The following PHLPP1 variants were observed in gnomAD, a reference collection of about 807,000 sequenced individuals.
PHLPP1 encodes the protein PH domain leucine-rich repeat-containing protein phosphatase 1.
Under a neutral mutation model 117.2 loss-of-function variants are expected in PHLPP1, and 42 were observed. That is an observed-to-expected ratio of 0.36 (90% confidence interval 0.28 to 0.46). The LOEUF is 0.46. Among genes scored for constraint, PHLPP1 ranks in the 20% least tolerant of loss-of-function variants. The pLI is 1.00. For missense variants in PHLPP1, 2,084 were observed against 2,241.9 expected (o/e 0.93, Z 1.42); for synonymous variants, 1,042 against 970.7 (o/e 1.07, Z -1.37).
intron 1 of PHLPP1, among the ~76,000 whole-genome samples, chr18:62,749,595 G>T (rs571175342): frequency 2.6e-5 from 4 of 152,312 alleles, no homozygotes; most frequent in African/African-American, 9.6e-5. Flanking sequence ...GAAGGTGTTG[G>T]CAGGGTTGGT....
At chr18:62,838,942 G>A in intron 3 of PHLPP1, 33 bp downstream of exon 3, 3 of 1,611,020 alleles carry the variant, frequency 1.9e-6, no homozygotes, top group Non-Finnish European at 2.5e-6. Context: ...AATCCACTCA[G>A]CTTCTAGCTG....
At chr18:62,973,502 G>A (rs767609535) in intron 15 of PHLPP1, among the ~76,000 whole-genome samples, 1 of 152,220 alleles carries the variant, frequency 6.6e-6, no homozygotes, top group African/African-American at 2.4e-5. Flanking sequence ...GAGCAGTCAT[G>A]GTGTTTTATC....
At chr18:62,792,618 C>T in intron 1 of PHLPP1, among the ~76,000 whole-genome samples, 1 of 152,092 alleles carries the variant, frequency 6.6e-6, no homozygotes, top group Non-Finnish European at 1.5e-5. Context: ...CGCCTGTAAT[C>T]CCAGCACTTT....
At chr18:62,778,184 A>T (rs1204694845) in intron 1 of PHLPP1, among the ~76,000 whole-genome samples, 1 of 152,134 alleles carries the variant, frequency 6.6e-6, no homozygotes, top group African/African-American at 2.4e-5. Flanking sequence ...TTAATGTATT[A>T]CCTTTGATAT....
intron 1 of PHLPP1, among the ~76,000 whole-genome samples, chr18:62,815,949 C>G (rs1474108362): frequency 2.0e-5 from 3 of 152,122 alleles, no homozygotes; most frequent in Non-Finnish European, 2.9e-5. Context: ...TCTGTTAATA[C>G]TCTATGGTAA....
intron 3 of PHLPP1, among the ~76,000 whole-genome samples, chr18:62,852,884 T>C (rs1915394322): frequency 2.0e-5 from 3 of 152,208 alleles, no homozygotes; most frequent in African/African-American, 7.2e-5. Flanking sequence ...ATGGGAATGA[T>C]GCAGAGTACT....
intron 1 of PHLPP1, among the ~76,000 whole-genome samples, chr18:62,735,402 A>G (rs1337878895): frequency 6.6e-6 from 1 of 152,090 alleles, no homozygotes; most frequent in Non-Finnish European, 1.5e-5. Context: ...CATTCTTAAG[A>G]TACCACACAG....
intron 14 of PHLPP1, among the ~76,000 whole-genome samples, chr18:62,966,778 GT>G (rs1409897296): frequency 6.6e-6 from 1 of 152,146 alleles, no homozygotes; most frequent in Non-Finnish European, 1.5e-5. Context: ...AGTTCTGCAA[GT>G]TTTGGTAAAA....
chr18:62,978,878 C>G lies in PHLPP1; in HGVS notation c.4601C>G (p.Ala1534Gly). Residue 1534 changes from alanine to glycine, a missense_variant, in exon 17 of 17, where the codon GCC becomes GGC. Physicochemically the swap from Ala to Gly is moderately conservative, Grantham distance 60. Around this residue, in one of 2 missense-constraint regions of PHLPP1, gnomAD observed 1,365 missense variants for 1,605.9 expected, o/e 0.85. Transcript: ENST00000262719. The surrounding 1 kb of genome is among the most constrained non-coding windows in gnomAD (Gnocchi z 7.0). Reference sequence around the variant, plus strand: ...TCCTTCCAGCGCCAGCTATCCAGCGCCACGTTCTCTAGCGCCTTCTCCGAC... The same window carrying G: ...TCCTTCCAGCGCCAGCTATCCAGCGGCACGTTCTCTAGCGCCTTCTCCGAC... Reference protein sequence around the residue: ...SNSFQRQLSSATFSSAFSDNG... With the variant: ...SNSFQRQLSSGTFSSAFSDNG... 6.2e-7 allele frequency: 1 copy of G among 1,607,074 alleles called. No homozygotes were observed. The highest frequency in any genetic ancestry group is 8.5e-7 in the Non-Finnish European group (1 of 1,176,900).
intron 4 of PHLPP1, among the ~76,000 whole-genome samples, chr18:62,872,889 AAGC>A (rs1229774244): frequency 6.7e-6 from 1 of 149,264 alleles, no homozygotes; most frequent in East Asian, 2.0e-4. Context: ...CGGGAGGCTG[AAGC>A]AGGAGAATCA....
intron 1 of PHLPP1, among the ~76,000 whole-genome samples, chr18:62,728,799 G>A (rs1478292965): frequency 5.3e-5 from 8 of 152,092 alleles, no homozygotes; most frequent in Admixed American, 2.6e-4. Context: ...GAGCCACTGC[G>A]CCTGGCCTGG....
intron 8 of PHLPP1, among the ~76,000 whole-genome samples, chr18:62,912,437 A>G (rs1916983007): frequency 6.6e-6 from 1 of 151,908 alleles, no homozygotes; most frequent in South Asian, 2.1e-4. Flanking sequence ...ACTACCTATC[A>G]GATAATTTTA....
intron 1 of PHLPP1, among the ~76,000 whole-genome samples, chr18:62,784,224 G>C (rs561708092): frequency 6.6e-6 from 1 of 152,192 alleles, no homozygotes; most frequent in African/African-American, 2.4e-5. Flanking sequence ...CAAATAGAGG[G>C]ATTACTTTGA....
chr18:62,921,348 A>G (rs553892978), intron 10 of PHLPP1, among the ~76,000 whole-genome samples: 1 of 152,368 alleles, frequency 6.6e-6, no homozygotes, highest in South Asian at 2.1e-4. Context: ...TTTTTACCTT[A>G]CAAAATAAAT....
chr18:62,966,690 C>T (rs1325407845), intron 14 of PHLPP1, among the ~76,000 whole-genome samples: 1 of 151,990 alleles, frequency 6.6e-6, no homozygotes, highest in Admixed American at 6.6e-5. Flanking sequence ...AGGATGGTCT[C>T]GATCTCCTGA....
At chr18:62,880,206 GTT>G (rs765091810) in intron 4 of PHLPP1, among the ~76,000 whole-genome samples, 1 of 145,272 alleles carries the variant, frequency 6.9e-6, no homozygotes, top group African/African-American at 2.5e-5. Context: ...GGGTGTTAGG[GTT>G]TTTTTTTTTT....
intron 4 of PHLPP1, among the ~76,000 whole-genome samples, chr18:62,879,519 C>G (rs1435213013): frequency 6.6e-6 from 1 of 152,056 alleles, no homozygotes; most frequent in African/African-American, 2.4e-5. Context: ...TCAAGCGATT[C>G]TCCCACCTCC....
chr18:62,820,660 A>G (rs1170080443), intron 1 of PHLPP1, among the ~76,000 whole-genome samples: 1 of 152,162 alleles, frequency 6.6e-6, no homozygotes, highest in Non-Finnish European at 1.5e-5. Flanking sequence ...TTCCCCTTCT[A>G]CCATGATTGT....
At chr18:62,898,775 G>T (rs902722592) in intron 6 of PHLPP1, among the ~76,000 whole-genome samples, 3 of 151,724 alleles carry the variant, frequency 2.0e-5, no homozygotes, top group African/African-American at 7.3e-5. Context: ...GAATCAACTA[G>T]TTTTTTTTAT....
Sources: allele counts gnomAD v4.1 joint callset (sites outside exome capture counted in the v4.1 genomes callset), GRCh38; gene constraint gnomAD v4.1.1; regional missense constraint gnomAD v4.1.1; non-coding constraint Gnocchi (gnomAD v3.1); transcripts MANE v1.5; gene names NCBI Gene and HGNC (gene_info 2026-07-23, HGNC 2026-07-21).